ECE1: variants seen among roughly 807,000 people sequenced by gnomAD.
The protein encoded by ECE1 is endothelin-converting enzyme 1.
A neutral mutation model predicts 98.6 loss-of-function variants in ECE1; 35 were observed. The ratio of observed to expected loss-of-function variants is 0.35; its 90% CI spans 0.27 to 0.47. The LOEUF (loss-of-function observed/expected upper bound fraction) is 0.47. ECE1 is among the 20% of genes least tolerant of loss of function. The pLI is 1.00. For missense variants in ECE1, 814 were observed against 1,025.3 expected (o/e 0.79, Z 2.81); for synonymous variants, 394 against 407.1 (o/e 0.97, Z 0.39).
chr1:21,330,831 G>T (rs1639186014), intron 1 of ECE1, among the ~76,000 whole-genome samples: 1 of 152,186 alleles, frequency 6.6e-6, no homozygotes, highest in African/African-American at 2.4e-5. Flanking sequence ...AGCTGATGCT[G>T]AACACAGGCT....
At chr1:21,263,741 T>C (rs1156753805) in intron 4 of ECE1, among the ~76,000 whole-genome samples, 2 of 152,042 alleles carry the variant, frequency 1.3e-5, no homozygotes, top group African/African-American at 4.8e-5. Context: ...TTGGTGTTCA[T>C]GCCCCCTCTG....
rs1183120697 is a variant in ECE1 at position 21,233,542 on chromosome 1, G to A, written c.1670+16C>T. 3 of 1,611,872 alleles carry A rather than the reference G, an allele frequency of 1.9e-6. No individual in the cohort carries two copies. The highest frequency in any genetic ancestry group is 2.5e-6 in the Non-Finnish European group (3 of 1,178,964). On this transcript the variant is annotated intron_variant, in intron 14 of 18. Transcript: ENST00000374893. This position sits in a 1 kb window ranked among gnomAD's most constrained non-coding sequence, Gnocchi z 4.0. ...GGGGAGCTGGCACCTTGCCGGCAGG[G>A]CCTGGGGGAACTCACTGATCTCTGT...
rs576793760 is a variant in ECE1 at position 21,233,622 on chromosome 1, G to A, written c.1606C>T (p.Arg536Trp). The change falls in exon 14 of 19, where the codon CGG becomes TGG. Residue 536 changes from arginine to tryptophan, a missense_variant. By Grantham distance (101) the Arg-to-Trp change is moderately radical. Around this residue, in one of 3 missense-constraint regions of ECE1, gnomAD observed 452 missense variants for 567.3 expected, o/e 0.80. Transcript: ENST00000374893. This position sits in a 1 kb window ranked among gnomAD's most constrained non-coding sequence, Gnocchi z 4.0. ...ACCCTCCATGAGAAGTTGAAAAACC[G>A]CATGGCATTTTCAAAGTAGAGGTCT... ...VPDLYFENAMRFFNFSWRVTA... is the reference protein window; with the variant it reads ...VPDLYFENAMWFFNFSWRVTA... The A allele has an allele frequency of 6.2e-7, 1 of 1,613,952 alleles. No individual in the cohort carries two copies. The highest frequency in any genetic ancestry group is 8.5e-7 in the Non-Finnish European group (1 of 1,179,948).
At chr1:21,261,837 C>G (rs532321880) in intron 4 of ECE1, among the ~76,000 whole-genome samples, 1 of 152,256 alleles carries the variant, frequency 6.6e-6, no homozygotes, top group African/African-American at 2.4e-5. Context: ...AGTTGTTCAC[C>G]AGGTGGAAGG....
At chr1:21,273,731 C>T (rs2098243246) in intron 3 of ECE1, among the ~76,000 whole-genome samples, 1 of 152,180 alleles carries the variant, frequency 6.6e-6, no homozygotes, top group African/African-American at 2.4e-5. Flanking sequence ...GGGAGGCCGA[C>T]TTAATCACAG....
chr1:21,240,180 AAAACAAACAAC>A (rs1183959139), intron 10 of ECE1, among the ~76,000 whole-genome samples: 3 of 146,236 alleles, frequency 2.1e-5, no homozygotes, highest in Non-Finnish European at 4.5e-5. Flanking sequence ...ATTGAAAACA[AAAACAAACAAC>A]AAACAAACAA....
intron 18 of ECE1, 77 bp downstream of exon 18, chr1:21,221,670 C>T: frequency 6.7e-7 from 1 of 1,495,346 alleles, no homozygotes; most frequent in Non-Finnish European, 9.3e-7. Flanking sequence ...GGGAACTTGC[C>T]TTTCGGCTCT....
intron 8 of ECE1, among the ~76,000 whole-genome samples, chr1:21,248,417 G>A (rs577899369): frequency 3.3e-5 from 5 of 152,134 alleles, no homozygotes; most frequent in Admixed American, 6.5e-5. Context: ...CAAGTGACCC[G>A]CCTGCCTCAG....
chr1:21,330,133 C>CTTTT (rs397860522), intron 1 of ECE1, among the ~76,000 whole-genome samples: 2 of 86,488 alleles, frequency 2.3e-5, no homozygotes, highest in South Asian at 3.7e-4. Context: ...TCACTAAATA[C>CTTTT]TTTTTTTTTT....
chr1:21,260,628 C>G lies in ECE1; in HGVS notation c.494-236G>C, dbSNP rs953243630. Among the ~76,000 whole-genome samples the G allele has an allele frequency of 7.9e-5, 12 of 152,170 alleles. No individual in the cohort carries two copies. The highest frequency in any genetic ancestry group is 1.8e-4 in the Non-Finnish European group (12 of 68,040). ...GCTGACTGCAAAGAAAAAGAATCGA[C>G]CACGTTTCTCTCCCTCTGCCAGTTG... is the stretch of plus-strand genomic sequence containing the variant. On this transcript the variant is annotated intron_variant, in intron 4 of 18. Coordinates refer to ENST00000374893, the MANE Select transcript of ECE1 (RefSeq NM_001397.3). This position sits in a 1 kb window ranked among gnomAD's most constrained non-coding sequence, Gnocchi z 4.3.
chr1:21,239,674 G>C lies in ECE1; in HGVS notation c.1279-1430C>G, dbSNP rs556076036. Among the ~76,000 whole-genome samples the C allele has an allele frequency of 2.0e-5, 3 of 152,350 alleles. No individual in the cohort carries two copies. The South Asian group carries it at 6.2e-4, about 32-fold the overall frequency. ...CCAGCTGCACCAGCCTTGGGGGCTGGGGGCTGACAGGAAAGGGGCATGAGG... is the reference window on the plus strand; with the variant it reads ...CCAGCTGCACCAGCCTTGGGGGCTGCGGGCTGACAGGAAAGGGGCATGAGG... On this transcript the variant is annotated intron_variant, in intron 10 of 18. Transcript: ENST00000374893.
At position 21,225,785 on chromosome 1, in the gene ECE1, G is replaced by A. The variant is rs2098173443; in HGVS notation, c.1850-345C>T. Among the ~76,000 whole-genome samples, 1 of 150,826 alleles carries A rather than the reference G, an allele frequency of 6.6e-6. No individual in the cohort carries two copies. Among genetic ancestry groups the A allele is most frequent in the Admixed American group, 6.6e-5 (1 of 15,116 alleles). On this transcript the variant is annotated intron_variant, in intron 16 of 18. Coordinates refer to ENST00000374893, the MANE Select transcript of ECE1 (RefSeq NM_001397.3). This position sits in a 1 kb window ranked among gnomAD's most constrained non-coding sequence, Gnocchi z 5.3. Reference sequence around the variant, plus strand: ...CAGCTCACTGCAACCTTTGCCTCCTGGGTTCAAGGAATTCTTGTGCTCAGC... The same window carrying A: ...CAGCTCACTGCAACCTTTGCCTCCTAGGTTCAAGGAATTCTTGTGCTCAGC...
chr1:21,239,677 G>A (rs1454302680), intron 10 of ECE1, among the ~76,000 whole-genome samples: 1 of 152,198 alleles, frequency 6.6e-6, no homozygotes, highest in Non-Finnish European at 1.5e-5. Context: ...GGGGCTGGGG[G>A]CTGACAGGAA....
At chr1:21,308,108 C>A (rs998592213) in intron 1 of ECE1, among the ~76,000 whole-genome samples, 2 of 152,234 alleles carry the variant, frequency 1.3e-5, no homozygotes, top group African/African-American at 4.8e-5. Flanking sequence ...TTCCACTTCT[C>A]TACCTCCAGA....
intron 1 of ECE1, among the ~76,000 whole-genome samples, chr1:21,304,730 G>A (rs928350835): frequency 1.3e-5 from 2 of 152,108 alleles, no homozygotes; most frequent in African/African-American, 2.4e-5. Flanking sequence ...TCTTGATTCT[G>A]TGGTTACACA....
intron 1 of ECE1, among the ~76,000 whole-genome samples, chr1:21,313,442 T>C (rs3026837): frequency 0.2 from 30,935 of 152,126 alleles, 3,515 homozygotes; most frequent in Non-Finnish European, 0.26. Context: ...GAATGATGAC[T>C]GCATTGGCTC....
At chr1:21,326,617 C>G (rs1296052650) in intron 1 of ECE1, among the ~76,000 whole-genome samples, 1 of 151,668 alleles carries the variant, frequency 6.6e-6, no homozygotes, top group South Asian at 2.1e-4. Context: ...GGTTATATTT[C>G]TGGTTTCAGG....
intron 1 of ECE1, among the ~76,000 whole-genome samples, chr1:21,303,304 C>G (rs932855546): frequency 6.6e-6 from 1 of 152,206 alleles, no homozygotes; most frequent in African/African-American, 2.4e-5. Flanking sequence ...CCCTTGCCCT[C>G]GAGAGGAACA....
At chr1:21,228,309 C>T (rs748912664) in intron 14 of ECE1, among the ~76,000 whole-genome samples, 1 of 152,118 alleles carries the variant, frequency 6.6e-6, no homozygotes, top group Non-Finnish European at 1.5e-5. Context: ...AAGCCATCCT[C>T]CTGCCTCGGA....
Sources: allele counts gnomAD v4.1 joint callset (sites outside exome capture counted in the v4.1 genomes callset), GRCh38; gene constraint gnomAD v4.1.1; regional missense constraint gnomAD v4.1.1; non-coding constraint Gnocchi (gnomAD v3.1); transcripts MANE v1.5; gene names NCBI Gene and HGNC (gene_info 2026-07-23, HGNC 2026-07-21).